Variants in FBXO42 observed in about 807,000 individuals in gnomAD.
The protein encoded by FBXO42 is F-box protein 42.
Under a neutral mutation model 71.7 loss-of-function variants are expected in FBXO42, and 12 were observed. The observed-to-expected ratio is 0.17, with a 90% CI of 0.11 to 0.27. The LOEUF is 0.27. Among genes scored for constraint, FBXO42 ranks in the 10% least tolerant of loss-of-function variants. FBXO42 has a pLI of 1.00. For synonymous variants in FBXO42, 325 were observed against 327.5 expected (o/e 0.99, Z 0.08); for missense variants, 707 against 911.9 (o/e 0.78, Z 2.89).
rs546306373 is a variant in FBXO42 at position 16,283,850 on chromosome 1, A to G, written c.502+10933T>C. ...CCTTTTTGCAAATGGGTTTGGGTTA[A>G]TCTCTAAGCAGTTTTGAAAATCAGA... On this transcript the variant is annotated intron_variant, in intron 4 of 9. Coordinates refer to ENST00000375592, the MANE Select transcript of FBXO42 (RefSeq NM_018994.3). Among the ~76,000 whole-genome samples, 13 of 152,218 alleles carry G rather than the reference A, an allele frequency of 8.5e-5. No homozygotes were observed. The South Asian group carries it at 2.7e-3, about 32-fold the overall frequency.
intron 4 of FBXO42, among the ~76,000 whole-genome samples, chr1:16,278,895 C>T (rs1045976170): frequency 3.3e-5 from 5 of 152,166 alleles, no homozygotes; most frequent in African/African-American, 1.2e-4. Flanking sequence ...TCTCCTGCCT[C>T]AGCCTCCCGA....
intron 3 of FBXO42, among the ~76,000 whole-genome samples, chr1:16,297,587 C>T (rs1056229039): frequency 6.6e-6 from 1 of 152,080 alleles, no homozygotes; most frequent in Admixed American, 6.6e-5. Context: ...CCAGGCCGGG[C>T]GTGGTGGCTC....
chr1:16,253,758 G>C, intron 6 of FBXO42, 27 bp from the exon 7 acceptor site: 7 of 1,606,918 alleles, frequency 4.4e-6, no homozygotes, highest in Non-Finnish European at 6.0e-6. Flanking sequence ...GAAGGATAAA[G>C]GTAGTTAGGA....
intron 4 of FBXO42, among the ~76,000 whole-genome samples, chr1:16,273,292 C>T (rs1485216790): frequency 6.6e-6 from 1 of 152,148 alleles, no homozygotes; most frequent in African/African-American, 2.4e-5. Context: ...ATATCTTCCT[C>T]ACATTACTTT....
At chr1:16,314,740 C>T (rs1469893919) in intron 2 of FBXO42, among the ~76,000 whole-genome samples, 2 of 151,896 alleles carry the variant, frequency 1.3e-5, no homozygotes, top group Admixed American at 6.6e-5. Context: ...AAAAATCAGC[C>T]GGGCGTGGTG....
At chr1:16,333,071 C>A (rs1189012136) in intron 1 of FBXO42, among the ~76,000 whole-genome samples, 2 of 152,094 alleles carry the variant, frequency 1.3e-5, no homozygotes, top group African/African-American at 2.4e-5. Flanking sequence ...GCCAGTAGGA[C>A]AAATTCCTAC....
intron 4 of FBXO42, among the ~76,000 whole-genome samples, chr1:16,291,573 G>A (rs574149325): frequency 3.3e-5 from 5 of 151,838 alleles, no homozygotes; most frequent in Non-Finnish European, 5.9e-5. Flanking sequence ...GTAGAGATGG[G>A]GTTTCGCTAT....
intron 4 of FBXO42, among the ~76,000 whole-genome samples, chr1:16,285,059 C>T (rs900393553): frequency 2.0e-5 from 3 of 151,450 alleles, no homozygotes; most frequent in Non-Finnish European, 2.9e-5. Context: ...GGCAGGAGAA[C>T]TGCTTGAACC....
At chr1:16,320,900 G>C (rs1393508371) in intron 1 of FBXO42, among the ~76,000 whole-genome samples, 2 of 152,012 alleles carry the variant, frequency 1.3e-5, no homozygotes, top group Non-Finnish European at 2.9e-5. Flanking sequence ...CTTGACTTTG[G>C]CTGCATGGTT....
chr1:16,310,544 C>T (rs568387933), intron 2 of FBXO42, among the ~76,000 whole-genome samples: 8 of 152,102 alleles, frequency 5.3e-5, no homozygotes, highest in East Asian at 1.9e-4. Flanking sequence ...CCCAAAATAA[C>T]TGATAAGCCA....
intron 4 of FBXO42, among the ~76,000 whole-genome samples, chr1:16,279,387 T>C (rs971476232): frequency 6.6e-6 from 1 of 152,164 alleles, no homozygotes; most frequent in African/African-American, 2.4e-5. Context: ...CTAGGACCTA[T>C]GACTGAGTCA....
intron 2 of FBXO42, among the ~76,000 whole-genome samples, chr1:16,310,942 C>G (rs2082305937): frequency 6.6e-6 from 1 of 150,952 alleles, no homozygotes; most frequent in South Asian, 2.1e-4. Flanking sequence ...CCACTGCACT[C>G]CAGCCTGGGC....
At chr1:16,291,073 C>A (rs1416383527) in intron 4 of FBXO42, among the ~76,000 whole-genome samples, 1 of 152,232 alleles carries the variant, frequency 6.6e-6, no homozygotes, top group African/African-American at 2.4e-5. Flanking sequence ...AACAGCTACA[C>A]TTTTGAAGTC....
At chr1:16,275,507 T>C (rs1166242474) in intron 4 of FBXO42, among the ~76,000 whole-genome samples, 1 of 152,122 alleles carries the variant, frequency 6.6e-6, no homozygotes, top group Non-Finnish European at 1.5e-5. Flanking sequence ...TAGTCCTTGC[T>C]ACTTGGGAGG....
intron 1 of FBXO42, among the ~76,000 whole-genome samples, chr1:16,338,612 G>C: frequency 6.6e-6 from 1 of 151,882 alleles, no homozygotes; most frequent in South Asian, 2.1e-4. Context: ...AATGTGAGCA[G>C]ACCAGTAGCA....
intron 4 of FBXO42, 68 bp downstream of exon 4, chr1:16,294,715 T>G: frequency 6.5e-7 from 1 of 1,544,668 alleles, no homozygotes; most frequent in Non-Finnish European, 8.8e-7. Context: ...CCAAAAATGA[T>G]CAGGTAGAGT....
intron 3 of FBXO42, among the ~76,000 whole-genome samples, chr1:16,302,913 T>A (rs2082211086): frequency 6.6e-6 from 1 of 152,076 alleles, no homozygotes; most frequent in African/African-American, 2.4e-5. Flanking sequence ...TCCCACCAGG[T>A]CACTCCCTTG....
chr1:16,338,131 C>T (rs1310433465), intron 1 of FBXO42, among the ~76,000 whole-genome samples: 5 of 151,312 alleles, frequency 3.3e-5, no homozygotes, highest in Non-Finnish European at 5.9e-5. Context: ...TGGTGGCAGG[C>T]GCCTGTAGTC....
intron 4 of FBXO42, among the ~76,000 whole-genome samples, chr1:16,283,498 T>TTTTTTTTTGTTTTG (rs1557583649): frequency 7.4e-6 from 1 of 134,482 alleles, no homozygotes; most frequent in Non-Finnish European, 1.6e-5. Context: ...TGGCAAGTTT[T>TTTTTTTTTGTTTTG]TTTTTTTTTT....
Sources: allele counts gnomAD v4.1 joint callset (sites outside exome capture counted in the v4.1 genomes callset), GRCh38; gene constraint gnomAD v4.1.1; transcripts MANE v1.5; gene names NCBI Gene and HGNC (gene_info 2026-07-23, HGNC 2026-07-21).